IFT88: variants seen among roughly 807,000 people sequenced by gnomAD.
IFT88 encodes intraflagellar transport protein 88 homolog.
In IFT88, 74 loss-of-function variants were observed where a neutral mutation model predicts 119.5. That is an observed-to-expected ratio of 0.62 (90% CI 0.51 to 0.75). IFT88 has a LOEUF of 0.75. Among genes scored for constraint, IFT88 ranks in the 30% least tolerant of loss-of-function variants. The pLI, the probability that IFT88 is intolerant of heterozygous loss-of-function variation, is 0.00. For synonymous variants in IFT88, 279 were observed against 316.7 expected (o/e 0.88, Z 1.26); for missense variants, 961 against 977.7 (o/e 0.98, Z 0.23).
chr13:20,623,553 C>T (rs1189227392), intron 14 of IFT88, among the ~76,000 whole-genome samples: 5 of 152,278 alleles, frequency 3.3e-5, no homozygotes, highest in Middle Eastern at 3.4e-3. Context: ...CGGCTCACTG[C>T]AAGCTCCGCC....
At chr13:20,672,336 G>A (rs901889610) in intron 24 of IFT88, among the ~76,000 whole-genome samples, 5 of 152,102 alleles carry the variant, frequency 3.3e-5, no homozygotes, top group African/African-American at 1.2e-4. Context: ...TTATCTTCAG[G>A]AGCCATTACC....
intron 7 of IFT88, among the ~76,000 whole-genome samples, chr13:20,593,771 C>T (rs567578029): frequency 5.9e-5 from 9 of 152,082 alleles, no homozygotes; most frequent in Middle Eastern, 3.4e-3. Flanking sequence ...GGACACAGGC[C>T]GGGCGTGGTG....
rs373056559 is a variant in IFT88, at chr13:20,609,253, C to T, written c.1112+4148C>T. Among the ~76,000 whole-genome samples the T allele has an allele frequency of 7.2e-5, 11 of 152,220 alleles. No individual in the cohort carries two copies. In the East Asian group the frequency reaches 1.7e-3, roughly 24 times the overall value. On this transcript the variant is annotated intron_variant, in intron 13 of 25. Coordinates refer to ENST00000351808, the MANE Select transcript of IFT88 (RefSeq NM_006531.5). ...GAAACAATGCAGTGTTTCAAAGCTT[C>T]GAGAGAAGCTTCAAAATGGACACAA...
intron 24 of IFT88, among the ~76,000 whole-genome samples, chr13:20,686,973 A>C (rs2057980014): frequency 7.2e-6 from 1 of 138,370 alleles, no homozygotes; most frequent in Admixed American, 7.5e-5. Context: ...TGAGTAGCTG[A>C]GATTACAGGC....
intron 11 of IFT88, among the ~76,000 whole-genome samples, chr13:20,600,532 A>G (rs550903098): frequency 3.9e-5 from 6 of 152,282 alleles, no homozygotes; most frequent in African/African-American, 1.4e-4. Context: ...TGAATAAACT[A>G]ATTGAGTTGA....
intron 1 of IFT88, among the ~76,000 whole-genome samples, chr13:20,570,927 A>T (rs2036228458): frequency 6.6e-6 from 1 of 152,084 alleles, no homozygotes; most frequent in Non-Finnish European, 1.5e-5. Flanking sequence ...ATGAGAAGCC[A>T]CATATATGTG....
chr13:20,661,935 T>A (rs2053872566), intron 22 of IFT88, among the ~76,000 whole-genome samples: 1 of 152,066 alleles, frequency 6.6e-6, no homozygotes, highest in Non-Finnish European at 1.5e-5. Context: ...GCTGGCTGCT[T>A]CTGAAAACAG....
At chr13:20,660,372 G>A (rs923898326) in intron 22 of IFT88, among the ~76,000 whole-genome samples, 2 of 152,160 alleles carry the variant, frequency 1.3e-5, no homozygotes, top group African/African-American at 4.8e-5. Flanking sequence ...TTAGGTCAGG[G>A]CTTCAAATTA....
In IFT88 at chr13:20,583,009, G is replaced by A. The variant is rs2038989109; in HGVS notation, c.143G>A (p.Arg48Lys). 1 of 1,607,446 alleles carries A rather than the reference G, an allele frequency of 6.2e-7. No homozygotes were observed. The highest frequency in any genetic ancestry group is 8.5e-7 in the Non-Finnish European group (1 of 1,176,698). Residue 48 changes from arginine to lysine, a missense_variant, in exon 3 of 26, where the codon AGA becomes AAA. Transcript: ENST00000351808. ...CAAGCTGTGAGGACTAGTCATGGCA[G>A]AAGACCTCCAGTAAGTGAAAAAAAT... ...FQQAVRTSHG[R>K]RPPITAKISS... is the part of the protein sequence containing the mutation.
intron 24 of IFT88, among the ~76,000 whole-genome samples, chr13:20,680,568 C>G (rs1485699445): frequency 6.6e-6 from 1 of 152,160 alleles, no homozygotes; most frequent in Non-Finnish European, 1.5e-5. Flanking sequence ...ACTGGTTGTC[C>G]TGCCTTCTTC....
intron 24 of IFT88, among the ~76,000 whole-genome samples, chr13:20,679,142 A>T (rs2057037336): frequency 6.6e-6 from 1 of 152,230 alleles, no homozygotes; most frequent in African/African-American, 2.4e-5. Flanking sequence ...ATGAGGAGTA[A>T]TGCAAAAATC....
In IFT88 at chr13:20,615,866, G is replaced by A. The variant is rs746974451; in HGVS notation, c.1186G>A (p.Ala396Thr). ...IAPVIETSFA[A>T]GYDWCVEVVK... ...TCCTGTAATTGAAACATCTTTTGCT[G>A]CAGGTTATGATTGGTAAGAGAGAAA... Residue 396 changes from alanine (A) to threonine (T), a missense_variant, in exon 14 of 26, where the codon GCA becomes ACA. By Grantham distance (58) the Ala-to-Thr change is moderately conservative. Coordinates refer to ENST00000351808, the MANE Select transcript of IFT88 (RefSeq NM_006531.5). 3 of 1,603,360 alleles carry A rather than the reference G, an allele frequency of 1.9e-6. No individual in the cohort carries two copies. The highest frequency in any genetic ancestry group is 2.2e-5 in the East Asian group (1 of 44,472).
rs374482265 is a variant in IFT88 at position 20,691,212 on chromosome 13, C to G, written c.*37C>G. 2.9e-5 allele frequency: 46 copies of G among 1,567,962 alleles called. No individual in the cohort carries two copies. Among genetic ancestry groups the G allele is most frequent in the Non-Finnish European group, 4.0e-5 (46 of 1,147,644 alleles). ...ATATTTATTAAAGGAAAGAAATTGC[C>G]TTATGAGATCATCCTCATGTTAAAC... On this transcript the variant is annotated 3_prime_UTR_variant, in exon 26 of 26. Transcript: ENST00000351808.
chr13:20,673,563 C>A (rs2056225363), intron 24 of IFT88, among the ~76,000 whole-genome samples: 1 of 152,196 alleles, frequency 6.6e-6, no homozygotes, highest in East Asian at 1.9e-4. Context: ...AGCCCTCTTT[C>A]AGTCATGCTG....
chr13:20,625,293 A>G (rs1712200463), intron 14 of IFT88, among the ~76,000 whole-genome samples: 1 of 152,212 alleles, frequency 6.6e-6, no homozygotes, highest in Admixed American at 6.5e-5. Context: ...CTTGTAGAGC[A>G]ATTAGCACTG....
chr13:20,638,913 G>T (rs2049436260), intron 17 of IFT88, among the ~76,000 whole-genome samples: 2 of 152,130 alleles, frequency 1.3e-5, no homozygotes, highest in African/African-American at 4.8e-5. Context: ...GTACACACAA[G>T]AAATAAGTAC....
rs746935260 is a variant in IFT88 at position 20,643,466 on chromosome 13, T to G, written c.1694T>G (p.Met565Arg). ...LYQIANIYEL[M>R]ENPSQAIEWL... ...TGACATTGCATAAGATATGAATTAA[T>G]GGAAAATCCCAGTCAAGCTATTGAA... Residue 565 changes from methionine (M) to arginine (R), a missense_variant, in exon 19 of 26, where the codon ATG becomes AGG. Coordinates refer to ENST00000351808, the MANE Select transcript of IFT88 (RefSeq NM_006531.5). The G allele has an allele frequency of 6.3e-7, 1 of 1,597,112 alleles. No homozygotes were observed. The highest frequency in any genetic ancestry group is 2.2e-5 in the East Asian group (1 of 44,804).
intron 3 of IFT88, among the ~76,000 whole-genome samples, chr13:20,584,070 C>T (rs2039200181): frequency 1.3e-5 from 2 of 151,916 alleles, no homozygotes; most frequent in African/African-American, 2.4e-5. Context: ...TGTGAACCTT[C>T]CAACTTTGTT....
chr13:20,687,022 C>CAAAAAAA (rs370247448), intron 24 of IFT88, among the ~76,000 whole-genome samples: 1 of 59,806 alleles, frequency 1.7e-5, no homozygotes, highest in Non-Finnish European at 3.6e-5. Flanking sequence ...ACTTTCTTAC[C>CAAAAAAA]AAAAAAAAAA....
Sources: allele counts gnomAD v4.1 joint callset (sites outside exome capture counted in the v4.1 genomes callset), GRCh38; gene constraint gnomAD v4.1.1; transcripts MANE v1.5; gene names NCBI Gene and HGNC (gene_info 2026-07-23, HGNC 2026-07-21).